The following PIAS4 variants were observed in gnomAD, a reference collection of about 807,000 sequenced individuals.
The protein encoded by PIAS4 is E3 SUMO-protein ligase PIAS4.
Under a neutral mutation model 58.0 loss-of-function variants are expected in PIAS4, and 7 were observed. That is an observed-to-expected ratio of 0.12 (90% CI 0.07 to 0.23). PIAS4 has a LOEUF of 0.23. Ranked by LOEUF, PIAS4 falls within the 10% of genes least tolerant of loss-of-function variation. PIAS4 has a pLI of 1.00. For synonymous variants in PIAS4, 364 were observed against 312.4 expected (o/e 1.17, Z -1.74); for missense variants, 550 against 709.5 (o/e 0.78, Z 2.55).
rs753520939 is a variant in PIAS4, at chr19:4,033,114, C to T, written c.922C>T (p.Arg308Cys). The change falls in exon 8 of 11, where the codon CGC (arginine) becomes TGC (cysteine). Residue 308 changes from arginine to cysteine, a missense_variant. By Grantham distance (180) the Arg-to-Cys change is radical. Around this residue, in one of 4 missense-constraint regions of PIAS4, gnomAD observed 225 missense variants for 345.8 expected, o/e 0.65. Transcript: ENST00000262971. The stretch of plus-strand genomic sequence containing the variant: ...CCTCCCCACAGTCAAGGAGAAGCTG[C>T]GCCTTGATCCTGACAGCGAGATCGC... ...LCKALVKEKLRLDPDSEIATT... is the reference protein window; with the variant it reads ...LCKALVKEKLCLDPDSEIATT... 8 of 1,611,672 alleles carry T rather than the reference C, an allele frequency of 5.0e-6. No homozygotes were observed. The highest frequency in any genetic ancestry group is 3.3e-5 in the Admixed American group (2 of 59,996).
At chr19:4,023,173 A>G (rs1299429710) in intron 2 of PIAS4, among the ~76,000 whole-genome samples, 10 of 44,276 alleles carry the variant, frequency 2.3e-4, no homozygotes, top group Non-Finnish European at 4.5e-4. Context: ...ACAAAGTCTC[A>G]AAAAAAAAAA....
At chr19:4,031,147 C>T (rs559232910) in intron 7 of PIAS4, among the ~76,000 whole-genome samples, 3 of 152,188 alleles carry the variant, frequency 2.0e-5, no homozygotes, top group South Asian at 2.1e-4. Flanking sequence ...GCACTGCCCT[C>T]CTGGCACAGC....
Position 4,037,646 on chromosome 19 carries a change from C to T in PIAS4, c.1304C>T (p.Ala435Val), listed in dbSNP as rs750838012. 5 of 1,611,508 alleles carry T rather than the reference C, an allele frequency of 3.1e-6. No homozygotes were observed. Among genetic ancestry groups the T allele is most frequent in the African/African-American group, 1.3e-5 (1 of 74,918 alleles). Residue 435 changes from alanine to valine, a missense_variant, in exon 11 of 11, where the codon GCC becomes GTC. This residue lies in a region of PIAS4 where 188 missense variants were observed against 192.0 expected (regional missense o/e 0.98). Coordinates refer to ENST00000262971, the MANE Select transcript of PIAS4 (RefSeq NM_015897.4). The surrounding 1 kb of genome is among the most constrained non-coding windows in gnomAD (Gnocchi z 5.8). ...GPSDANGLLP[A>V]PSVNGSGALG... Reference sequence around the variant, plus strand: ...TCGGACGCCAATGGGCTCCTGCCCGCCCCCAGCGTCAACGGGAGCGGTGCC... The same window carrying T: ...TCGGACGCCAATGGGCTCCTGCCCGTCCCCAGCGTCAACGGGAGCGGTGCC...
At position 4,013,002 on chromosome 19, in the gene PIAS4, A is replaced by G; in HGVS notation, c.107A>G (p.His36Arg). 1.2e-6 allele frequency: 2 copies of G among 1,613,656 alleles called. No homozygotes were observed. The highest frequency in any genetic ancestry group is 1.7e-6 in the Non-Finnish European group (2 of 1,179,982). Residue 36 changes from histidine to arginine, a missense_variant, in exon 2 of 11, where the codon CAC becomes CGC. His to Arg is a conservative substitution (Grantham distance 29, BLOSUM62 0). Transcript: ENST00000262971. The surrounding 1 kb of genome is among the most constrained non-coding windows in gnomAD (Gnocchi z 5.1). Reference sequence around the variant, plus strand: ...GGCCGGAGTAAGAGTGGACTGAAGCACGAGCTCGTCACCAGGGCCCTCCAG... The same window carrying G: ...GGCCGGAGTAAGAGTGGACTGAAGCGCGAGCTCGTCACCAGGGCCCTCCAG... ...FVGRSKSGLK[H>R]ELVTRALQLV...
At position 4,038,484 on chromosome 19, in the gene PIAS4, C is replaced by A. The variant is rs2040328139; in HGVS notation, c.*609C>A. 1 of 150,654 alleles carries A rather than the reference C, an allele frequency of 6.6e-6. No homozygotes were observed. The highest frequency in any genetic ancestry group is 1.5e-5 in the Non-Finnish European group (1 of 67,660). The allele number at this position is 150,654 out of a possible 1,614,324, so 9.3% of individuals were successfully genotyped here. On this transcript the variant is annotated 3_prime_UTR_variant, in exon 11 of 11. Coordinates refer to ENST00000262971, the MANE Select transcript of PIAS4 (RefSeq NM_015897.4). The surrounding 1 kb of genome is among the most constrained non-coding windows in gnomAD (Gnocchi z 4.1). ...GGGATGGGTGGGCAGGATGGGGGTACAGTGGGCGGCTGGGGAGGGTTTAGC... is the reference window on the plus strand; with the variant it reads ...GGGATGGGTGGGCAGGATGGGGGTAAAGTGGGCGGCTGGGGAGGGTTTAGC...
chr19:4,021,100 C>G (rs1052953436), intron 2 of PIAS4, among the ~76,000 whole-genome samples: 1 of 152,122 alleles, frequency 6.6e-6, no homozygotes, highest in African/African-American at 2.4e-5. Context: ...GTTGCCAGTC[C>G]TTTCATTTTA....
At chr19:4,012,773 G>T (rs1229408745) in intron 1 of PIAS4, 150 bp from the exon 2 acceptor site, 5 of 813,886 alleles carry the variant, frequency 6.1e-6, no homozygotes, top group African/African-American at 1.7e-5. Context: ...GGGCACCGTA[G>T]GGGCAGGGCA....
intron 7 of PIAS4, 73 bp downstream of exon 7, chr19:4,029,109 C>CG (rs2040198085): frequency 9.1e-6 from 10 of 1,101,862 alleles, no homozygotes; most frequent in African/African-American, 3.1e-5. Flanking sequence ...CTGGGTGAAG[C>CG]GGGGGGCCCT....
intron 1 of PIAS4, 68 bp from the exon 2 acceptor site, chr19:4,012,848 CGGGGCCT>C (rs1436622457): frequency 6.9e-7 from 1 of 1,459,580 alleles, no homozygotes; most frequent in African/African-American, 1.4e-5. Flanking sequence ...GCCCCCACAT[CGGGGCCT>C]GGCCTCCATG....
chr19:4,036,599 C>T lies in PIAS4; in HGVS notation c.1143-775C>T, dbSNP rs528676695. 6.1e-5 allele frequency among the ~76,000 whole-genome samples: 9 copies of T among 148,070 alleles called. No homozygotes were observed. In the East Asian group the frequency reaches 7.7e-4, roughly 13 times the overall value. ...CATACAGTCCACACCGTCATACACA[C>T]ACACATCTATACAGTCCACACCGTC... On this transcript the variant is annotated intron_variant, in intron 9 of 10. Coordinates refer to ENST00000262971, the MANE Select transcript of PIAS4 (RefSeq NM_015897.4).
At chr19:4,036,790 C>T (rs902207035) in intron 9 of PIAS4, among the ~76,000 whole-genome samples, 2 of 148,980 alleles carry the variant, frequency 1.3e-5, no homozygotes, top group East Asian at 1.9e-4. Context: ...ACACACACAT[C>T]TATACAGTCC....
At chr19:4,033,979 G>T (rs903807023) in intron 9 of PIAS4, among the ~76,000 whole-genome samples, 1 of 151,448 alleles carries the variant, frequency 6.6e-6, no homozygotes, top group Admixed American at 6.5e-5. Context: ...CAAAGGAGGT[G>T]GCGCCTCCTG....
intron 8 of PIAS4, 56 bp downstream of exon 8, chr19:4,033,229 C>T (rs972494202): frequency 7.2e-5 from 111 of 1,540,926 alleles, no homozygotes; most frequent in Non-Finnish European, 9.6e-5. Flanking sequence ...GCCTTCCCCC[C>T]TGGCGGCCCT....
chr19:4,026,470 C>T (rs1568217326), intron 3 of PIAS4, among the ~76,000 whole-genome samples: 1 of 151,710 alleles, frequency 6.6e-6, no homozygotes, highest in Non-Finnish European at 1.5e-5. Context: ...GATTTGCATA[C>T]CATAGAATAT....
chr19:4,023,625 C>T (rs535018870), intron 2 of PIAS4, among the ~76,000 whole-genome samples: 2 of 152,330 alleles, frequency 1.3e-5, no homozygotes, highest in East Asian at 1.9e-4. Context: ...GTGACGTGGC[C>T]ACCCTGCAGG....
intron 9 of PIAS4, among the ~76,000 whole-genome samples, chr19:4,035,473 G>C (rs545702735): frequency 6.6e-6 from 1 of 152,252 alleles, no homozygotes; most frequent in African/African-American, 2.4e-5. Flanking sequence ...TTCCCTTCCC[G>C]AGCCTCTGTT....
rs77291691 is a variant in PIAS4, at chr19:4,020,599, C to T, written c.455-3437C>T. Reference sequence around the variant, plus strand: ...TACACAAGTGATAGCAGGACGTGCACGCTGCTCAGCGTTTTTGCTTTGTAT... The same window carrying T: ...TACACAAGTGATAGCAGGACGTGCATGCTGCTCAGCGTTTTTGCTTTGTAT... On this transcript the variant is annotated intron_variant, in intron 2 of 10. Transcript: ENST00000262971. Among the ~76,000 whole-genome samples, 532 of 152,316 alleles carry T rather than the reference C, an allele frequency of 3.5e-3. 4 individuals are homozygous for T. The highest frequency in any genetic ancestry group is 0.012 in the African/African-American group (500 of 41,566).
At chr19:4,015,170 C>T (rs1245636283) in intron 2 of PIAS4, among the ~76,000 whole-genome samples, 7 of 152,216 alleles carry the variant, frequency 4.6e-5, no homozygotes, top group African/African-American at 1.7e-4. Flanking sequence ...GGAAGCTGTT[C>T]CCCCTGCCAG....
intron 2 of PIAS4, among the ~76,000 whole-genome samples, chr19:4,014,336 A>G (rs553270896): frequency 6.6e-6 from 1 of 152,104 alleles, no homozygotes; most frequent in Non-Finnish European, 1.5e-5. Flanking sequence ...GCAGGTGGGC[A>G]TTGAGCCCAG....
Sources: allele counts gnomAD v4.1 joint callset (sites outside exome capture counted in the v4.1 genomes callset), GRCh38; gene constraint gnomAD v4.1.1; regional missense constraint gnomAD v4.1.1; non-coding constraint Gnocchi (gnomAD v3.1); transcripts MANE v1.5; gene names NCBI Gene and HGNC (gene_info 2026-07-23, HGNC 2026-07-21).